Variants in ULK4 observed in about 807,000 individuals in gnomAD.
ULK4 encodes the protein unc-51 like kinase 4.
Under a neutral mutation model 160.6 loss-of-function variants are expected in ULK4, and 133 were observed. The ratio of observed to expected loss-of-function variants is 0.83; its 90% CI spans 0.72 to 0.96. The LOEUF (loss-of-function observed/expected upper bound fraction) is 0.96, where lower values mean the gene tolerates loss of function less well. Among genes scored for constraint, ULK4 ranks in the 40% least tolerant of loss-of-function variants. The pLI is 0.00. For missense variants in ULK4, 1,580 were observed against 1,499.5 expected (o/e 1.05, Z -0.89); for synonymous variants, 534 against 539.8 (o/e 0.99, Z 0.15).
intron 32 of ULK4, among the ~76,000 whole-genome samples, chr3:41,505,019 G>A (rs1436439074): frequency 6.6e-6 from 1 of 152,120 alleles, no homozygotes; most frequent in African/African-American, 2.4e-5. Flanking sequence ...CCTGGGCTAG[G>A]TGTGCACGGT....
chr3:41,716,216 AAATAATAAT>A (rs61340837), intron 23 of ULK4, among the ~76,000 whole-genome samples: 3,630 of 139,220 alleles, frequency 0.026, 142 homozygotes, highest in African/African-American at 0.086. Flanking sequence ...CTGTCTCACA[AAATAATAAT>A]AATAATAATA....
intron 32 of ULK4, among the ~76,000 whole-genome samples, chr3:41,540,773 G>A (rs1359123241): frequency 6.6e-6 from 1 of 152,088 alleles, no homozygotes; most frequent in Non-Finnish European, 1.5e-5. Context: ...TTGATTTGCA[G>A]TTCTCTATGA....
intron 31 of ULK4, among the ~76,000 whole-genome samples, chr3:41,613,765 C>T (rs751385777): frequency 2.0e-5 from 3 of 152,172 alleles, no homozygotes; most frequent in Non-Finnish European, 2.9e-5. Flanking sequence ...CAGTGATTTC[C>T]AACACTTTTC....
At chr3:41,501,656 G>T (rs2085213328) in intron 32 of ULK4, among the ~76,000 whole-genome samples, 1 of 151,852 alleles carries the variant, frequency 6.6e-6, no homozygotes, top group African/African-American at 2.4e-5. Context: ...ATACATTTTT[G>T]TAGCCAGAAT....
intron 34 of ULK4, among the ~76,000 whole-genome samples, chr3:41,433,185 C>T (rs1240504814): frequency 1.3e-5 from 2 of 152,098 alleles, no homozygotes; most frequent in African/African-American, 4.8e-5. Flanking sequence ...AAGGGTTACA[C>T]TAAAGCTTTA....
chr3:41,397,470 T>C (rs1250074716), intron 35 of ULK4, among the ~76,000 whole-genome samples: 1 of 152,144 alleles, frequency 6.6e-6, no homozygotes, highest in Non-Finnish European at 1.5e-5. Flanking sequence ...CTGGATATGA[T>C]GGATTGAGAA....
chr3:41,631,420 A>G (rs2033737022), intron 30 of ULK4, among the ~76,000 whole-genome samples: 1 of 152,222 alleles, frequency 6.6e-6, no homozygotes, highest in Admixed American at 6.5e-5. Context: ...TGACTGCTTA[A>G]TTTACTGAGA....
chr3:41,915,991 T>C lies in ULK4; in HGVS notation c.789A>G (p.Arg263=). ...ACTGTCCCTACCTTTTCTGAGGATC[T>C]CTTTGAAGTAACCCATCAAGCAAAT... is the stretch of plus-strand genomic sequence containing the variant. ...FINLLDGLLQ[R]DPQKRLTWTR... The change falls in exon 8 of 37, where the codon AGA becomes AGG. Residue 263 remains arginine, a synonymous_variant. Coordinates refer to ENST00000301831, the MANE Select transcript of ULK4 (RefSeq NM_017886.4). 1.3e-6 allele frequency: 2 copies of C among 1,589,118 alleles called. No individual in the cohort carries two copies. The highest frequency in any genetic ancestry group is 1.7e-6 in the Non-Finnish European group (2 of 1,173,870).
chr3:41,499,869 C>G (rs1217545721), intron 32 of ULK4, among the ~76,000 whole-genome samples: 2 of 152,052 alleles, frequency 1.3e-5, no homozygotes. Context: ...TTATATTCAC[C>G]TTGGTTATAA....
At chr3:41,439,388 G>A (rs9812025) in intron 34 of ULK4, among the ~76,000 whole-genome samples, 40,176 of 152,040 alleles carry the variant, frequency 0.26, 5,781 homozygotes, top group African/African-American at 0.37. Flanking sequence ...CACTCTTGAT[G>A]AACTTGGATA....
chr3:41,305,404 T>C (rs1022867975), intron 35 of ULK4, among the ~76,000 whole-genome samples: 1 of 152,218 alleles, frequency 6.6e-6, no homozygotes, highest in Non-Finnish European at 1.5e-5. Context: ...CTGGTTTTGG[T>C]GGAGACGGGG....
chr3:41,773,242 A>C (rs1324385856), intron 21 of ULK4, among the ~76,000 whole-genome samples: 1 of 152,334 alleles, frequency 6.6e-6, no homozygotes, highest in Middle Eastern at 3.4e-3. Flanking sequence ...AGGAGAAGGA[A>C]ATAAAGGGCA....
rs776840653 is a variant in ULK4, at chr3:41,931,868, T to C, written c.517A>G (p.Lys173Glu). ...GGDNGENVLK[K>E]SMKSRVKGSP... is the part of the protein sequence containing the mutation. ...CCTTTGACTCTACTTTTCATGCTTT[T>C]CTTCAGGACATTTTCCCCATTATCA... Residue 173 changes from lysine to glutamate, a missense_variant, in exon 5 of 37, where the codon AAA becomes GAA. Coordinates refer to ENST00000301831, the MANE Select transcript of ULK4 (RefSeq NM_017886.4). 2.5e-6 allele frequency: 4 copies of C among 1,614,122 alleles called. No homozygotes were observed. The highest frequency in any genetic ancestry group is 3.4e-6 in the Non-Finnish European group (4 of 1,180,012).
intron 12 of ULK4, among the ~76,000 whole-genome samples, chr3:41,903,596 A>C (rs1698448490): frequency 1.3e-5 from 2 of 152,210 alleles, no homozygotes; most frequent in South Asian, 4.1e-4. Flanking sequence ...AAGAAAAAAA[A>C]AAAAAAATGT....
At chr3:41,741,878 T>C (rs183501513) in intron 22 of ULK4, among the ~76,000 whole-genome samples, 1 of 151,948 alleles carries the variant, frequency 6.6e-6, no homozygotes, top group Non-Finnish European at 1.5e-5. Context: ...AGGAACAACA[T>C]AGCAGTAAGT....
chr3:41,686,030 T>C (rs897534908), intron 27 of ULK4, among the ~76,000 whole-genome samples: 2 of 151,252 alleles, frequency 1.3e-5, no homozygotes, highest in Non-Finnish European at 2.9e-5. Flanking sequence ...TCTGCATATA[T>C]GTGTATGTGT....
chr3:41,679,357 G>A (rs1041986917), intron 29 of ULK4, among the ~76,000 whole-genome samples: 12 of 152,202 alleles, frequency 7.9e-5, no homozygotes, highest in African/African-American at 2.9e-4. Context: ...TTCTACAGAT[G>A]AGAAAACTAA....
At chr3:41,284,841 T>C (rs933165153) in intron 35 of ULK4, among the ~76,000 whole-genome samples, 2 of 152,100 alleles carry the variant, frequency 1.3e-5, no homozygotes, top group Admixed American at 6.5e-5. Flanking sequence ...TCAAAATCTA[T>C]ACATCTGACA....
At chr3:41,315,645 T>C (rs1267244019) in intron 35 of ULK4, among the ~76,000 whole-genome samples, 1 of 152,182 alleles carries the variant, frequency 6.6e-6, no homozygotes, top group Non-Finnish European at 1.5e-5. Flanking sequence ...GGCTCGGCAC[T>C]ACAGAAACCC....
Sources: allele counts gnomAD v4.1 joint callset (sites outside exome capture counted in the v4.1 genomes callset), GRCh38; gene constraint gnomAD v4.1.1; transcripts MANE v1.5; gene names NCBI Gene and HGNC (gene_info 2026-07-23, HGNC 2026-07-21).